Variants in IREB2 observed in about 807,000 individuals in gnomAD.
IREB2 encodes the protein iron-responsive element-binding protein 2.
In IREB2, 39 loss-of-function variants were observed where a neutral mutation model predicts 118.8. The ratio of observed to expected loss-of-function variants is 0.33; its 90% CI spans 0.25 to 0.43. The LOEUF (loss-of-function observed/expected upper bound fraction) is 0.43, where lower values mean the gene tolerates loss of function less well. Ranked by LOEUF, IREB2 falls within the 20% of genes least tolerant of loss-of-function variation. The pLI is 1.00. For synonymous variants in IREB2, 372 were observed against 392.2 expected, an observed-to-expected ratio of 0.95 and a Z score of 0.61; for missense variants, 900 against 1,147.3, an observed-to-expected ratio of 0.78 and a Z score of 3.11.
In IREB2 at chr15:78,471,866, T is replaced by C. The variant is rs2051384743; in HGVS notation, c.825T>C (p.Ser275=). The change falls in exon 7 of 22, where the codon AGT becomes AGC. Residue 275 remains serine (S), a synonymous_variant. Coordinates refer to ENST00000258886, the MANE Select transcript of IREB2 (RefSeq NM_004136.4). ...FEEKDLLFPD[S]VVGTDSHITM... ...AAAAAGACCTCCTCTTCCCAGACAG[T>C]GTAGTCGGCACAGATTCACACATAA... 2 of 1,613,684 alleles carry C rather than the reference T, an allele frequency of 1.2e-6. No homozygotes were observed. The highest frequency in any genetic ancestry group is 1.7e-6 in the Non-Finnish European group (2 of 1,179,762).
In IREB2 at chr15:78,493,897, A is replaced by C. The variant is rs1486350803; in HGVS notation, c.2325-12A>C. 6.2e-7 allele frequency: 1 copy of C among 1,602,164 alleles called. No homozygotes were observed. Among genetic ancestry groups the C allele is most frequent in the South Asian group, 1.1e-5 (1 of 89,072 alleles). On this transcript the variant is annotated splice_polypyrimidine_tract_variant and intron_variant, in intron 18 of 21. Coordinates refer to ENST00000258886, the MANE Select transcript of IREB2 (RefSeq NM_004136.4). ...CATGTAATGAAAACTGACTTTCATTACTTTCTTGTAGCCTTACCCCTCGTG... is the reference window on the plus strand; with the variant it reads ...CATGTAATGAAAACTGACTTTCATTCCTTTCTTGTAGCCTTACCCCTCGTG...
rs947670826 is a variant in IREB2 at position 78,438,278 on chromosome 15, C to T, written c.-60C>T. On this transcript the variant is annotated 5_prime_UTR_variant, in exon 1 of 22. Coordinates refer to ENST00000258886, the MANE Select transcript of IREB2 (RefSeq NM_004136.4). The stretch of plus-strand genomic sequence containing the variant: ...TGTCTTCCTCCCCGTCTTCCCTGCC[C>T]GGCCTCCCCCTTCTTCCCCCGCTGG... The T allele has an allele frequency of 4.4e-6, 6 of 1,363,600 alleles. No individual in the cohort carries two copies. The highest frequency in any genetic ancestry group is 3.9e-5 in the Admixed American group (2 of 51,118). The allele number at this position is 1,363,600 out of a possible 1,614,324, so 84.5% of individuals were successfully genotyped here.
At chr15:78,483,550 C>G (rs919070413) in intron 11 of IREB2, 116 bp downstream of exon 11, 2 of 611,796 alleles carry the variant, frequency 3.3e-6, no homozygotes, top group Non-Finnish European at 5.9e-6. Flanking sequence ...TTATGGCACA[C>G]ACCAGCAGCC....
At chr15:78,453,541 A>G (rs1015477600) in intron 2 of IREB2, among the ~76,000 whole-genome samples, 1 of 152,210 alleles carries the variant, frequency 6.6e-6, no homozygotes, top group Admixed American at 6.5e-5. Context: ...AGAGGAAATG[A>G]TTGATGACTC....
chr15:78,448,128 T>A (rs1366075181), intron 2 of IREB2, among the ~76,000 whole-genome samples: 2 of 149,342 alleles, frequency 1.3e-5, no homozygotes, highest in Non-Finnish European at 2.9e-5. Flanking sequence ...TCAATGGCAA[T>A]GTATGTATGT....
intron 2 of IREB2, among the ~76,000 whole-genome samples, chr15:78,452,165 A>G (rs1392555260): frequency 6.6e-6 from 1 of 152,148 alleles, no homozygotes; most frequent in Non-Finnish European, 1.5e-5. Flanking sequence ...TAGAAGACAA[A>G]AAGATGTAGG....
chr15:78,493,927 C>A lies in IREB2; in HGVS notation c.2343C>A (p.Phe781Leu), dbSNP rs2051795533. The change falls in exon 19 of 22, where the codon TTC becomes TTA. Residue 781 changes from phenylalanine (F) to leucine (L), a missense_variant. Coordinates refer to ENST00000258886, the MANE Select transcript of IREB2 (RefSeq NM_004136.4). ...LTNRGLTPRE[F>L]NSYGARRGND... ...CTTGTAGCCTTACCCCTCGTGAATT[C>A]AACTCTTACGGAGCTCGAAGAGGTA... The A allele has an allele frequency of 1.2e-6, 2 of 1,613,204 alleles. No individual in the cohort carries two copies. Among genetic ancestry groups the A allele is most frequent in the South Asian group, 2.2e-5 (2 of 90,852 alleles).
In IREB2 at chr15:78,488,705, A is replaced by G; in HGVS notation, c.2010A>G (p.Glu670=). Residue 670 remains glutamate, a synonymous_variant, in exon 16 of 22, where the codon GAA becomes GAG. Transcript: ENST00000258886. ...YLHDIWPSRE[E]VHRVEEEHVI... is the part of the protein sequence containing the mutation. ...ATGATATTTGGCCTAGTCGAGAAGA[A>G]GTTCATCGAGTAGAGGAAGAACATG... 1.2e-6 allele frequency: 2 copies of G among 1,604,612 alleles called. No individual in the cohort carries two copies. Among genetic ancestry groups the G allele is most frequent in the East Asian group, 2.2e-5 (1 of 44,806 alleles).
In IREB2 at chr15:78,471,832, T is replaced by G. The variant is rs748274061; in HGVS notation, c.791T>G (p.Val264Gly). ...QINLEYLSRVVFEEKDLLFPD... is the reference protein window; with the variant it reads ...QINLEYLSRVGFEEKDLLFPD... ...AACTTAGAATATTTGTCAAGAGTGG[T>G]TTTTGAAGAAAAAGACCTCCTCTTC... is the stretch of plus-strand genomic sequence containing the variant. Residue 264 changes from valine to glycine, a missense_variant, in exon 7 of 22, where the codon GTT becomes GGT. Transcript: ENST00000258886. 6.2e-7 allele frequency: 1 copy of G among 1,613,430 alleles called. No homozygotes were observed. The highest frequency in any genetic ancestry group is 8.5e-7 in the Non-Finnish European group (1 of 1,179,554).
At chr15:78,470,342 C>G (rs1157737799) in intron 5 of IREB2, among the ~76,000 whole-genome samples, 190 bp from the exon 6 acceptor site, 3 of 152,090 alleles carry the variant, frequency 2.0e-5, no homozygotes, top group African/African-American at 7.2e-5. Context: ...TTGTAGCTTT[C>G]CGGTGTGTTA....
chr15:78,472,780 G>T (rs72738736), intron 7 of IREB2, among the ~76,000 whole-genome samples: 44,431 of 152,040 alleles, frequency 0.29, 6,858 homozygotes, highest in Middle Eastern at 0.4. Context: ...TCCAAGACTG[G>T]CCTCAGTTAT....
chr15:78,447,161 T>C (rs1324145118), intron 2 of IREB2, among the ~76,000 whole-genome samples: 3 of 151,678 alleles, frequency 2.0e-5, no homozygotes, highest in African/African-American at 7.3e-5. Context: ...CTTTCCTTTC[T>C]TTTTCTTTTC....
chr15:78,479,006 TG>T (rs1453559379), intron 10 of IREB2, among the ~76,000 whole-genome samples: 1 of 152,338 alleles, frequency 6.6e-6, no homozygotes, highest in African/African-American at 2.4e-5. Context: ...GGCACAATCA[TG>T]GTTCACTGTA....
chr15:78,438,045 GCTCCGCCCC>G (rs2141435535), upstream of IREB2: 1 of 469,854 alleles, frequency 2.1e-6, no homozygotes, highest in African/African-American at 2.0e-5. Flanking sequence ...CCTCCCCAGC[GCTCCGCCCC>G]CGCTCGCGAG....
At chr15:78,476,085 C>T (rs2051464691) in intron 8 of IREB2, 103 bp from the exon 9 acceptor site, 5 of 720,544 alleles carry the variant, frequency 6.9e-6, no homozygotes, top group South Asian at 2.7e-5. Context: ...ATTCCTTCAC[C>T]ATCACTAGTA....
intron 18 of IREB2, among the ~76,000 whole-genome samples, chr15:78,491,050 G>A (rs1411145170): frequency 6.6e-6 from 1 of 152,090 alleles, no homozygotes; most frequent in Non-Finnish European, 1.5e-5. Flanking sequence ...CTTTTTCAGT[G>A]CTACTTTATT....
At chr15:78,471,647 A>T in intron 6 of IREB2, 94 bp from the exon 7 acceptor site, 1 of 671,486 alleles carries the variant, frequency 1.5e-6, no homozygotes, top group Non-Finnish European at 2.4e-6. Context: ...ATTGAACATT[A>T]GTTAAAATAT....
In IREB2 at chr15:78,500,472, G is replaced by A. The variant is rs1199741221; in HGVS notation, c.*2329G>A. ...GCCAAATGCTATGTTTGCAAAATGT[G>A]GCATCTGTTAGTTTTTATTGTCTGT... is the stretch of plus-strand genomic sequence containing the variant. On this transcript the variant is annotated 3_prime_UTR_variant, in exon 22 of 22. Transcript: ENST00000258886. 6.6e-6 allele frequency: 1 copy of A among 150,838 alleles called. No homozygotes were observed. Among genetic ancestry groups the A allele is most frequent in the Non-Finnish European group, 1.5e-5 (1 of 67,908 alleles). The allele number at this position is 150,838 out of a possible 1,614,324, so 9.3% of individuals were successfully genotyped here.
chr15:78,470,687 TCC>T (rs370920128), intron 6 of IREB2, 86 bp downstream of exon 6: 3 of 517,496 alleles, frequency 5.8e-6, no homozygotes, highest in South Asian at 3.6e-5. Context: ...CTTTTTCTTT[TCC>T]TTTTTTTTTT....
Sources: gnomAD v4.1 joint callset for allele counts (sites outside exome capture counted in the v4.1 genomes callset) on GRCh38, gnomAD v4.1.1 for gene constraint, MANE v1.5 for transcripts, NCBI Gene and HGNC (gene_info 2026-07-23, HGNC 2026-07-21) for gene names.